PTPRD: variants seen among roughly 807,000 people sequenced by gnomAD.
PTPRD encodes receptor-type tyrosine-protein phosphatase delta.
A neutral mutation model predicts 214.5 loss-of-function variants in PTPRD; 34 were observed. The ratio of observed to expected loss-of-function variants is 0.16; its 90% CI spans 0.12 to 0.21. PTPRD has a LOEUF of 0.21. Among genes scored for constraint, PTPRD ranks in the 10% least tolerant of loss-of-function variants. PTPRD has a pLI of 1.00. For missense variants in PTPRD, 2,545 were observed against 2,398.7 expected (o/e 1.06, Z -1.27); for synonymous variants, 1,128 against 845.7 (o/e 1.33, Z -5.79).
At chr9:9,165,428 A>T (rs1410745275) in intron 10 of PTPRD, among the ~76,000 whole-genome samples, 1 of 152,166 alleles carries the variant, frequency 6.6e-6, no homozygotes, top group Non-Finnish European at 1.5e-5. Flanking sequence ...TATGCAGATG[A>T]AGGTAGGTGA....
At chr9:10,274,136 T>C (rs998440487) in intron 3 of PTPRD, among the ~76,000 whole-genome samples, 1 of 152,140 alleles carries the variant, frequency 6.6e-6, no homozygotes, top group Non-Finnish European at 1.5e-5. Context: ...CCAACTCTGA[T>C]ATTTAATGCT....
intron 10 of PTPRD, among the ~76,000 whole-genome samples, chr9:9,168,947 T>A (rs1036805812): frequency 6.6e-6 from 1 of 151,814 alleles, no homozygotes; most frequent in Non-Finnish European, 1.5e-5. Flanking sequence ...TGTCTCTGTA[T>A]AATAAAAAAT....
chr9:10,013,662 A>G (rs1485130654), intron 4 of PTPRD, among the ~76,000 whole-genome samples: 2 of 151,950 alleles, frequency 1.3e-5, no homozygotes, highest in African/African-American at 2.4e-5. Context: ...AGACTCCAGT[A>G]CACATGGATG....
Position 10,312,763 on chromosome 9 carries a change from G to A in PTPRD, c.-545+28200C>T, listed in dbSNP as rs77599316. Among the ~76,000 whole-genome samples, 825 of 151,866 alleles carry A rather than the reference G, an allele frequency of 5.4e-3. 23 individuals are homozygous for A. The highest frequency in any genetic ancestry group is 0.054 in the East Asian group (278 of 5,144). On this transcript the variant is annotated intron_variant, in intron 3 of 45. Transcript: ENST00000381196. ...CAAGTCACCCAAAAAACAATCTAAG[G>A]AAATCCAAAGGTACCATTTCACTGA...
intron 39 of PTPRD, among the ~76,000 whole-genome samples, chr9:8,357,639 GT>G (rs1007441931): frequency 1.3e-5 from 2 of 152,216 alleles, no homozygotes; most frequent in African/African-American, 4.8e-5. Flanking sequence ...GGAAAATGAA[GT>G]TTTTTTCTTA....
At chr9:8,722,604 A>C (rs1395582787) in intron 12 of PTPRD, among the ~76,000 whole-genome samples, 1 of 152,096 alleles carries the variant, frequency 6.6e-6, no homozygotes, top group Non-Finnish European at 1.5e-5. Flanking sequence ...TATTGCTGTA[A>C]TTTTGACAAA....
chr9:9,278,024 A>G (rs1273896710), intron 9 of PTPRD, among the ~76,000 whole-genome samples: 4 of 151,444 alleles, frequency 2.6e-5, no homozygotes, highest in African/African-American at 4.8e-5. Flanking sequence ...AACTTTCACT[A>G]AAGTGTTAAT....
intron 2 of PTPRD, among the ~76,000 whole-genome samples, chr9:10,351,574 T>C (rs1243577850): frequency 6.6e-6 from 1 of 151,978 alleles, no homozygotes; most frequent in African/African-American, 2.4e-5. Flanking sequence ...AGCTTTTAGC[T>C]GTGGGAAACA....
intron 2 of PTPRD, among the ~76,000 whole-genome samples, chr9:10,357,399 T>C (rs894831281): frequency 1.3e-5 from 2 of 152,234 alleles, no homozygotes; most frequent in Non-Finnish European, 2.9e-5. Flanking sequence ...TAGTGTTCAA[T>C]GCCTTGATTT....
At chr9:8,621,388 T>TA (rs1005491387) in intron 14 of PTPRD, among the ~76,000 whole-genome samples, 28 of 151,884 alleles carry the variant, frequency 1.8e-4, no homozygotes, top group African/African-American at 4.3e-4. Context: ...TTTTAATTTT[T>TA]AAAAAAAATT....
intron 4 of PTPRD, among the ~76,000 whole-genome samples, chr9:9,967,874 C>T (rs1587694446): frequency 6.6e-6 from 1 of 152,038 alleles, no homozygotes; most frequent in East Asian, 1.9e-4. Flanking sequence ...ATAGGTTTTA[C>T]AAGTATACTT....
At chr9:10,600,621 T>A (rs79896119) in intron 2 of PTPRD, among the ~76,000 whole-genome samples, 7,102 of 151,760 alleles carry the variant, frequency 0.047, 208 homozygotes, top group East Asian at 0.087. Flanking sequence ...AGACACAACA[T>A]AAAATTTAGC....
intron 2 of PTPRD, among the ~76,000 whole-genome samples, chr9:10,413,316 C>T (rs575113511): frequency 2.0e-5 from 3 of 151,962 alleles, no homozygotes; most frequent in African/African-American, 4.8e-5. Context: ...ACACCAACAA[C>T]GACCAAGTTG....
intron 4 of PTPRD, among the ~76,000 whole-genome samples, chr9:9,961,681 G>A (rs996953867): frequency 6.6e-6 from 1 of 152,170 alleles, no homozygotes; most frequent in Non-Finnish European, 1.5e-5. Flanking sequence ...GCAACACTGA[G>A]TGCAATTCCA....
chr9:8,578,640 C>A (rs1366059442), intron 14 of PTPRD, among the ~76,000 whole-genome samples: 2 of 152,180 alleles, frequency 1.3e-5, no homozygotes, highest in Non-Finnish European at 2.9e-5. Context: ...TCCGCCCACA[C>A]TAGCTTCAAG....
chr9:9,214,259 T>C (rs887045938), intron 9 of PTPRD, among the ~76,000 whole-genome samples: 11 of 152,200 alleles, frequency 7.2e-5, no homozygotes, highest in African/African-American at 2.7e-4. Flanking sequence ...CTCCAGCTAG[T>C]GTGTTCCCCG....
rs77108142 is a variant in PTPRD, at chr9:9,492,603, C to A, written c.-237+82129G>T. 4.1e-3 allele frequency among the ~76,000 whole-genome samples: 621 copies of A among 152,144 alleles called. 1 individual carries two copies. Among genetic ancestry groups the A allele is most frequent in the African/African-American group, 0.013 (554 of 41,540 alleles). ...AAAAGCAACTGACAAAATTCATCAT[C>A]TTTTCATAATAAAAACATTCAACAA... On this transcript the variant is annotated intron_variant, in intron 8 of 45. Coordinates refer to ENST00000381196, the MANE Select transcript of PTPRD (RefSeq NM_002839.4).
chr9:8,514,525 GT>G (rs61389121), intron 21 of PTPRD, among the ~76,000 whole-genome samples: 277 of 136,696 alleles, frequency 2.0e-3, no homozygotes, highest in African/African-American at 2.5e-3. Flanking sequence ...GATAAACTTA[GT>G]TTTTTTTTTT....
At chr9:9,240,325 G>A (rs2099969734) in intron 9 of PTPRD, among the ~76,000 whole-genome samples, 1 of 152,064 alleles carries the variant, frequency 6.6e-6, no homozygotes, top group African/African-American at 2.4e-5. Context: ...TTGACATCTT[G>A]TTTTTATAAG....
Sources: gnomAD v4.1 joint callset for allele counts (sites outside exome capture counted in the v4.1 genomes callset) on GRCh38, gnomAD v4.1.1 for gene constraint, MANE v1.5 for transcripts, NCBI Gene and HGNC (gene_info 2026-07-23, HGNC 2026-07-21) for gene names.